The following OPTN variants were observed in gnomAD, a reference collection of about 807,000 sequenced individuals.
OPTN encodes the protein E3-14.7K-interacting protein.
OPTN carries 54 observed loss-of-function variants against 70.4 expected under a neutral mutation model. The observed-to-expected ratio is 0.77, with a 90% CI of 0.62 to 0.96. The LOEUF (loss-of-function observed/expected upper bound fraction) is 0.96. Among genes scored for constraint, OPTN ranks in the 40% least tolerant of loss-of-function variants. The pLI is 0.00. For synonymous variants in OPTN, 256 were observed against 248.5 expected, an observed-to-expected ratio of 1.03 and a Z score of -0.28; for missense variants, 624 against 673.2, an observed-to-expected ratio of 0.93 and a Z score of 0.81.
chr10:13,111,035 C>CT (rs1303981677), intron 4 of OPTN, among the ~76,000 whole-genome samples: 3 of 152,150 alleles, frequency 2.0e-5, no homozygotes, highest in Admixed American at 6.6e-5. Context: ...GTGCTCATAC[C>CT]TGGGAGTGGA....
chr10:13,108,962 G>A, intron 2 of OPTN, 150 bp from the exon 3 acceptor site: 1 of 760,730 alleles, frequency 1.3e-6, no homozygotes, highest in East Asian at 2.5e-5. Flanking sequence ...TGTTTAAAAG[G>A]AAGAATCAAA....
chr10:13,114,784 A>AT (rs1833093296), intron 5 of OPTN, among the ~76,000 whole-genome samples: 1 of 104,660 alleles, frequency 9.6e-6, no homozygotes, highest in African/African-American at 3.7e-5. Context: ...ATAATTATAT[A>AT]ATTATATAAT....
intron 5 of OPTN, among the ~76,000 whole-genome samples, chr10:13,114,781 TATA>T (rs1335826920): frequency 2.9e-5 from 3 of 104,846 alleles, no homozygotes; most frequent in African/African-American, 1.1e-4. Flanking sequence ...TATATAATTA[TATA>T]ATTATATAAT....
intron 7 of OPTN, 97 bp from the exon 8 acceptor site, chr10:13,122,288 A>C: frequency 1.2e-6 from 1 of 819,926 alleles, no homozygotes; most frequent in Non-Finnish European, 2.1e-6. Context: ...CCTTTATCCC[A>C]ATTGTAAACA....
intron 3 of OPTN, 92 bp downstream of exon 3, chr10:13,109,380 C>T: frequency 2.3e-6 from 3 of 1,317,486 alleles, no homozygotes; most frequent in Non-Finnish European, 2.2e-6. Flanking sequence ...GAGCTCCCTT[C>T]TCCCCGTTTC....
intron 1 of OPTN, among the ~76,000 whole-genome samples, chr10:13,105,638 G>A (rs982994031): frequency 2.0e-4 from 31 of 152,178 alleles, no homozygotes; most frequent in African/African-American, 4.3e-4. Context: ...GCCCGGCACC[G>A]TGGCTCAAGC....
At chr10:13,121,436 T>C (rs547357086) in intron 7 of OPTN, among the ~76,000 whole-genome samples, 6 of 147,676 alleles carry the variant, frequency 4.1e-5, no homozygotes, top group Admixed American at 2.1e-4. Flanking sequence ...ATCGCAGAGA[T>C]AGTCTTGCTG....
chr10:13,136,210 GA>G (rs1327565044), intron 14 of OPTN, among the ~76,000 whole-genome samples: 2 of 151,164 alleles, frequency 1.3e-5, no homozygotes, highest in Admixed American at 1.3e-4. Context: ...GTAAAGAAAA[GA>G]AAAAAATCCT....
chr10:13,105,963 G>A (rs746253072), intron 1 of OPTN, among the ~76,000 whole-genome samples: 1 of 150,654 alleles, frequency 6.6e-6, no homozygotes, highest in Non-Finnish European at 1.5e-5. Context: ...TCAAAGAAAC[G>A]TCTCTCTCTT....
At chr10:13,134,843 C>T (rs1393603226) in intron 14 of OPTN, among the ~76,000 whole-genome samples, 3 of 152,236 alleles carry the variant, frequency 2.0e-5, no homozygotes, top group African/African-American at 4.8e-5. Flanking sequence ...AATGTACCTT[C>T]TCAGAAGCAG....
intron 1 of OPTN, among the ~76,000 whole-genome samples, chr10:13,107,676 C>T (rs1667940850): frequency 6.6e-6 from 1 of 152,010 alleles, no homozygotes; most frequent in African/African-American, 2.4e-5. Flanking sequence ...CCACCGCGCC[C>T]GGCTCAAAAA....
At chr10:13,136,723 G>A in intron 14 of OPTN, 22 bp from the exon 15 acceptor site, 1 of 1,613,812 alleles carries the variant, frequency 6.2e-7, no homozygotes, top group Middle Eastern at 1.7e-4. Flanking sequence ...GGAACTAATG[G>A]AATTATCATA....
intron 3 of OPTN, chr10:13,109,671 T>TAAAA (rs34623086): frequency 5.4e-5 from 7 of 130,828 alleles, no homozygotes; most frequent in African/African-American, 1.6e-4. Context: ...ACAAAAAAAT[T>TAAAA]AAAAAAAAAA....
chr10:13,111,973 G>T (rs975119095), intron 4 of OPTN, among the ~76,000 whole-genome samples: 11 of 141,770 alleles, frequency 7.8e-5, no homozygotes, highest in African/African-American at 2.9e-4. Flanking sequence ...TCAGCCTCCC[G>T]AGTAGCTGGG....
rs144821242 is a variant in OPTN, at chr10:13,121,911, G to T, written c.780-474G>T. Among the ~76,000 whole-genome samples, 1,265 of 152,254 alleles carry T rather than the reference G, an allele frequency of 8.3e-3. 25 individuals are homozygous for T. Among genetic ancestry groups the T allele is most frequent in the African/African-American group, 0.029 (1,200 of 41,540 alleles). ...CACAGTCTCTTGTTTCATTTGGATT[G>T]GGACGGCTTTCCTGTGGTTATGATT... On this transcript the variant is annotated intron_variant, in intron 7 of 14. Transcript: ENST00000378747.
chr10:13,121,484 T>C (rs1390717094), intron 7 of OPTN, among the ~76,000 whole-genome samples: 1 of 141,302 alleles, frequency 7.1e-6, no homozygotes, highest in African/African-American at 2.7e-5. Context: ...TTTCTTTTTC[T>C]TGCCTGATTA....
At chr10:13,116,611 TG>T (rs746629251) in intron 6 of OPTN, 19 of 510,584 alleles carry the variant, frequency 3.7e-5, no homozygotes, top group Non-Finnish European at 5.7e-5. Context: ...GAAAGCAAAC[TG>T]GTTCTCAATC....
At position 13,107,064 on chromosome 10, in the gene OPTN, G is replaced by C. The variant is rs796544866; in HGVS notation, c.-163-1074G>C. Among the ~76,000 whole-genome samples the C allele has an allele frequency of 1.1e-4, 17 of 152,242 alleles. No homozygotes were observed. The South Asian group carries it at 1.9e-3, about 17-fold the overall frequency. On this transcript the variant is annotated intron_variant, in intron 1 of 14. Coordinates refer to ENST00000378747, the MANE Select transcript of OPTN (RefSeq NM_001008212.2). Reference sequence around the variant, plus strand: ...ATTGGTGCTTAATACCTATTTATTGGATAGATGGATTTTAAATTATTTTCT... The same window carrying C: ...ATTGGTGCTTAATACCTATTTATTGCATAGATGGATTTTAAATTATTTTCT...
intron 3 of OPTN, chr10:13,110,051 T>G (rs1832962163): frequency 1.5e-6 from 1 of 687,534 alleles, no homozygotes; most frequent in Admixed American, 3.1e-5. Context: ...AAATCCACTT[T>G]ATTTTCTTGG....
Sources: allele counts gnomAD v4.1 joint callset (sites outside exome capture counted in the v4.1 genomes callset), GRCh38; gene constraint gnomAD v4.1.1; transcripts MANE v1.5; gene names NCBI Gene and HGNC (gene_info 2026-07-23, HGNC 2026-07-21).